TJP1: variants seen among roughly 807,000 people sequenced by gnomAD.
TJP1 encodes tight junction protein ZO-1.
In TJP1, 43 loss-of-function variants were observed where a neutral mutation model predicts 194.2. The ratio of observed to expected loss-of-function variants is 0.22; its 90% CI spans 0.17 to 0.29. The LOEUF (loss-of-function observed/expected upper bound fraction) is 0.29, where lower values mean the gene tolerates loss of function less well. Among genes scored for constraint, TJP1 ranks in the 10% least tolerant of loss-of-function variants. The pLI is 1.00. For missense variants in TJP1, 1,971 were observed against 2,185.7 expected, an observed-to-expected ratio of 0.90 and a Z score of 1.96; for synonymous variants, 801 against 779.0, an observed-to-expected ratio of 1.03 and a Z score of -0.47.
intron 2 of TJP1, among the ~76,000 whole-genome samples, chr15:29,853,229 G>T (rs902583208): frequency 3.3e-5 from 5 of 152,166 alleles, no homozygotes; most frequent in Non-Finnish European, 5.9e-5. Flanking sequence ...GGATAGATCA[G>T]TTCTTCCAGC....
chr15:29,756,676 G>A (rs1253603258), intron 8 of TJP1, among the ~76,000 whole-genome samples: 1 of 152,152 alleles, frequency 6.6e-6, no homozygotes, highest in African/African-American at 2.4e-5. Context: ...ACATAAGTAG[G>A]TCATGACAAC....
intron 2 of TJP1, among the ~76,000 whole-genome samples, chr15:29,933,020 A>G (rs1279718384): frequency 1.3e-5 from 2 of 152,238 alleles, no homozygotes; most frequent in African/African-American, 4.8e-5. Flanking sequence ...TATTTAATTA[A>G]AATGTTAAAA....
chr15:29,727,219 C>T (rs1213065254), intron 16 of TJP1, among the ~76,000 whole-genome samples: 1 of 152,084 alleles, frequency 6.6e-6, no homozygotes, highest in South Asian at 2.1e-4. Context: ...TGGTGCACGC[C>T]TGTAATCCCA....
chr15:29,708,180 A>G (rs1254634537), intron 25 of TJP1, among the ~76,000 whole-genome samples: 1 of 138,578 alleles, frequency 7.2e-6, no homozygotes, highest in African/African-American at 2.8e-5. Context: ...TGGGCGACAG[A>G]GGGAGACTCT....
chr15:29,951,015 T>C (rs936654223), intron 2 of TJP1, among the ~76,000 whole-genome samples: 6 of 152,164 alleles, frequency 3.9e-5, no homozygotes, highest in Non-Finnish European at 8.8e-5. Context: ...GTGCCACACA[T>C]AGAATCATTT....
intron 1 of TJP1, among the ~76,000 whole-genome samples, chr15:29,965,483 A>G (rs1241913972): frequency 1.3e-5 from 2 of 152,148 alleles, no homozygotes; most frequent in Admixed American, 6.6e-5. Context: ...CAGTGCTGAG[A>G]TTACAGGTAT....
At chr15:29,714,405 A>AT (rs1024364008) in intron 23 of TJP1, among the ~76,000 whole-genome samples, 15 of 150,132 alleles carry the variant, frequency 1.0e-4, no homozygotes, top group Non-Finnish European at 2.1e-4. Context: ...TGCCCAGGTA[A>AT]TTTTTTGTAT....
intron 8 of TJP1, among the ~76,000 whole-genome samples, chr15:29,758,218 G>A (rs185272926): frequency 6.6e-6 from 1 of 152,190 alleles, no homozygotes; most frequent in African/African-American, 2.4e-5. Context: ...TTTTGACTGT[G>A]TGTCGGGGGT....
intron 9 of TJP1, among the ~76,000 whole-genome samples, chr15:29,742,305 A>G (rs2044475649): frequency 6.6e-6 from 1 of 152,114 alleles, no homozygotes; most frequent in Non-Finnish European, 1.5e-5. Flanking sequence ...AATGTTTATG[A>G]AAACACTTTC....
Position 29,720,435 on chromosome 15 carries a change from GAT to G in TJP1, c.2684_2685del (p.Tyr895SerfsTer14), listed in dbSNP as rs2042860198. 6.2e-7 allele frequency: 1 copy of G among 1,613,982 alleles called. No homozygotes were observed. On this transcript the variant is annotated frameshift_variant, in exon 19 of 28. Transcript: ENST00000614355. LOFTEE classifies it high-confidence loss of function. ...GGCTGCGCTTGTGGTGAGTAAGGAG[GAT>G]ATGTTTGGTTTTCATGATGCATTCC... ...SSGMHHENQT[Y>X]PPYSPQAQPQ...
At chr15:29,768,710 A>G (rs939144909) in intron 4 of TJP1, among the ~76,000 whole-genome samples, 1 of 152,194 alleles carries the variant, frequency 6.6e-6, no homozygotes, top group Non-Finnish European at 1.5e-5. Context: ...AACTTATTGA[A>G]AGGTAACCAG....
At chr15:29,941,580 C>T (rs1303620586) in intron 2 of TJP1, among the ~76,000 whole-genome samples, 1 of 152,114 alleles carries the variant, frequency 6.6e-6, no homozygotes, top group Non-Finnish European at 1.5e-5. Flanking sequence ...CCCCCCTCTG[C>T]CCCCTCAACA....
At chr15:29,833,881 ATTTTTTT>A (rs10650949) in intron 2 of TJP1, among the ~76,000 whole-genome samples, 2 of 12,618 alleles carry the variant, frequency 1.6e-4, no homozygotes, top group African/African-American at 6.0e-4. Flanking sequence ...ATATATATAT[ATTTTTTT>A]TTTTTTTTTT....
intron 2 of TJP1, among the ~76,000 whole-genome samples, chr15:29,920,667 G>C (rs1395782278): frequency 1.3e-5 from 2 of 152,152 alleles, no homozygotes; most frequent in Non-Finnish European, 2.9e-5. Flanking sequence ...TGCTGAGTGG[G>C]AGGAGCGGCC....
intron 18 of TJP1, 62 bp downstream of exon 18, chr15:29,726,317 G>A (rs913603321): frequency 1.5e-6 from 2 of 1,352,826 alleles, no homozygotes; most frequent in African/African-American, 1.4e-5. Context: ...TATCTCAAAA[G>A]CATCTCTGAT....
At chr15:29,704,849 A>G (rs1595545115) in intron 26 of TJP1, among the ~76,000 whole-genome samples, 3 of 152,340 alleles carry the variant, frequency 2.0e-5, no homozygotes, top group Admixed American at 2.0e-4. Context: ...CTGGTTTTTA[A>G]AACAGGATAT....
chr15:29,861,930 T>G (rs999192084), intron 2 of TJP1, among the ~76,000 whole-genome samples: 8 of 152,326 alleles, frequency 5.3e-5, no homozygotes, highest in African/African-American at 1.4e-4. Context: ...TCCAAGGTCA[T>G]GAAGACTTAC....
chr15:29,711,087 TAAA>T, intron 23 of TJP1, 87 bp from the exon 24 acceptor site: 1 of 1,152,928 alleles, frequency 8.7e-7, no homozygotes, highest in South Asian at 2.0e-5. Flanking sequence ...ATCTCTAAGT[TAAA>T]AAAAAAAACT....
intron 8 of TJP1, among the ~76,000 whole-genome samples, chr15:29,744,516 T>C (rs950276818): frequency 7.2e-5 from 11 of 152,128 alleles, no homozygotes; most frequent in African/African-American, 2.4e-4. Flanking sequence ...CAAGACAATA[T>C]ATATTTTAAA....
Sources: allele counts gnomAD v4.1 joint callset (sites outside exome capture counted in the v4.1 genomes callset), GRCh38; gene constraint gnomAD v4.1.1; transcripts MANE v1.5; gene names NCBI Gene and HGNC (gene_info 2026-07-23, HGNC 2026-07-21).